The following LTK variants were observed in gnomAD, a reference collection of about 807,000 sequenced individuals.
LTK encodes the protein leukocyte tyrosine kinase receptor.
LTK carries 117 observed loss-of-function variants against 101.5 expected under a neutral mutation model. That is an observed-to-expected ratio of 1.15 (90% CI 0.99 to 1.34). The LOEUF (loss-of-function observed/expected upper bound fraction) is 1.34, where lower values mean the gene tolerates loss of function less well. LTK is among the 40% of genes most tolerant of loss of function. The pLI, the probability that LTK is intolerant of heterozygous loss-of-function variation, is 0.00. For missense variants in LTK, 1,252 were observed against 1,164.7 expected, an observed-to-expected ratio of 1.07 and a Z score of -1.09; for synonymous variants, 563 against 494.2, an observed-to-expected ratio of 1.14 and a Z score of -1.85.
rs771075708 is a variant in LTK, at chr15:41,511,201, CCCG to C, written c.957_959del (p.Gly320del). 2.9e-6 allele frequency: 4 copies of C among 1,391,988 alleles called. No individual in the cohort carries two copies. Among genetic ancestry groups the C allele is most frequent in the South Asian group, 1.6e-5 (1 of 62,422 alleles). The allele number at this position is 1,391,988 out of a possible 1,614,324, so 86.2% of individuals were successfully genotyped here. A position where few individuals can be genotyped will look rare whatever the true frequency, so the allele number is the denominator to read the frequency against. ...CGCCGCCTCCGCCCGCAGTGCAGGCCCCGCCGCCGCCCCCGAAGCCGCCGGCCG... is the reference window on the plus strand; with the variant it reads ...CGCCGCCTCCGCCCGCAGTGCAGGCCCCGCCGCCCCCGAAGCCGCCGGCCG... On this transcript the variant is annotated inframe_deletion, in exon 7 of 20. Coordinates refer to ENST00000263800, the MANE Select transcript of LTK (RefSeq NM_002344.6). The surrounding 1 kb of genome is among the most constrained non-coding windows in gnomAD (Gnocchi z 5.9).
intron 1 of LTK, among the ~76,000 whole-genome samples, chr15:41,513,460 TC>T (rs1484528466): frequency 2.0e-5 from 3 of 152,178 alleles, no homozygotes; most frequent in Non-Finnish European, 4.4e-5. Context: ...TGTTCCTCCT[TC>T]CCAAGCTGCG....
chr15:41,505,187 T>C, intron 15 of LTK, 21 bp downstream of exon 15: 1 of 1,610,134 alleles, frequency 6.2e-7, no homozygotes, highest in Non-Finnish European at 8.5e-7. Flanking sequence ...GGGGGTCCCC[T>C]GAGCCAGGAC....
At chr15:41,512,001 A>G (rs985563138) in intron 4 of LTK, 38 bp from the exon 5 acceptor site, 1 of 1,435,228 alleles carries the variant, frequency 7.0e-7, no homozygotes, top group Non-Finnish European at 9.1e-7. Context: ...GGGGCCCGGG[A>G]GCCTCCCCTC....
At chr15:41,507,454 G>T (rs2051324149) in intron 10 of LTK, 108 bp downstream of exon 10, 1 of 1,552,082 alleles carries the variant, frequency 6.4e-7, no homozygotes, top group Admixed American at 1.9e-5. Context: ...CCACGGCTCT[G>T]CTGCGGTGAG....
chr15:41,512,112 C>A lies in LTK; in HGVS notation c.510+3G>T, dbSNP rs369983661. The A allele has an allele frequency of 1.3e-6, 2 of 1,596,460 alleles. No homozygotes were observed. The highest frequency in any genetic ancestry group is 1.7e-6 in the Non-Finnish European group (2 of 1,171,486). Reference sequence around the variant, plus strand: ...CCGCCCCATCCCCACTGGCTGCGCTCACTCCGGGACAGGCGTCCTCTCCCT... The same window carrying A: ...CCGCCCCATCCCCACTGGCTGCGCTAACTCCGGGACAGGCGTCCTCTCCCT... On this transcript the variant is annotated splice_donor_region_variant and intron_variant, in intron 4 of 19. Coordinates refer to ENST00000263800, the MANE Select transcript of LTK (RefSeq NM_002344.6).
In LTK at chr15:41,511,078, C is replaced by A; in HGVS notation, c.997+86G>T. ...GCTTAATGCCTCTCCCACACCTATC[C>A]TCCCGAGGGCTCCGGCCTGTACTTA... On this transcript the variant is annotated intron_variant, in intron 7 of 19. Coordinates refer to ENST00000263800, the MANE Select transcript of LTK (RefSeq NM_002344.6). This position sits in a 1 kb window ranked among gnomAD's most constrained non-coding sequence, Gnocchi z 5.9. 1 of 1,287,006 alleles carries A rather than the reference C, an allele frequency of 7.8e-7. No individual in the cohort carries two copies. The highest frequency in any genetic ancestry group is 3.1e-5 in the East Asian group (1 of 32,030). 79.7% of individuals were successfully genotyped at this position (1,287,006 alleles called of 1,614,324 possible).
rs140093948 is a variant in LTK, at chr15:41,505,991, C to T, written c.1556G>A (p.Gly519Asp). 8.9e-5 allele frequency: 144 copies of T among 1,613,600 alleles called. No homozygotes were observed. In the Middle Eastern group the frequency reaches 1.2e-3, roughly 13 times the overall value. The change falls in exon 12 of 20, where the codon GGT becomes GAT. Residue 519 changes from glycine (G) to aspartate (D), a missense_variant. Coordinates refer to ENST00000263800, the MANE Select transcript of LTK (RefSeq NM_002344.6). ...TCCCTCATACACCTCCCCAAAGGCA[C>T]CATGGCCCAGGGCTCTGCAGGAAGA... ...NVTLLRALGH[G>D]AFGEVYEGLV...
intron 19 of LTK, 45 bp from the exon 20 acceptor site, chr15:41,504,289 G>A: frequency 6.2e-7 from 1 of 1,609,592 alleles, no homozygotes; most frequent in Non-Finnish European, 8.5e-7. Flanking sequence ...GAGTTTTCTG[G>A]CCCTCCCTCC....
At chr15:41,506,275 G>A (rs901796601) in intron 11 of LTK, among the ~76,000 whole-genome samples, 5 of 152,226 alleles carry the variant, frequency 3.3e-5, no homozygotes, top group Admixed American at 3.3e-4. Flanking sequence ...GACGCCCTGG[G>A]CGGGAGGCAA....
Position 41,509,109 on chromosome 15 carries a change from C to CA in LTK, c.1017dup (p.Asp340Ter), listed in dbSNP as rs2140718590. On this transcript the variant is annotated frameshift_variant, in exon 8 of 20. Coordinates refer to ENST00000263800, the MANE Select transcript of LTK (RefSeq NM_002344.6). LOFTEE classifies it high-confidence loss of function. Reference sequence around the variant, plus strand: ...TCTTCCCCATCAGCCCAGAGGTTGTCAGTCTCTGAAGCGTCGCCCCCTGGA... The same window carrying CA: ...TCTTCCCCATCAGCCCAGAGGTTGTCAAGTCTCTGAAGCGTCGCCCCCTGGA... 6.2e-7 allele frequency: 1 copy of CA among 1,613,640 alleles called. No individual in the cohort carries two copies. The highest frequency in any genetic ancestry group is 2.2e-5 in the East Asian group (1 of 44,876).
intron 1 of LTK, 148 bp downstream of exon 1, chr15:41,513,519 A>C: frequency 1.3e-6 from 1 of 741,132 alleles, no homozygotes. Context: ...CTCGGCCCGC[A>C]CTCCAGAAGC....
intron 11 of LTK, among the ~76,000 whole-genome samples, chr15:41,506,740 G>A (rs898466292): frequency 5.9e-5 from 9 of 151,968 alleles, no homozygotes; most frequent in Admixed American, 1.3e-4. Context: ...ACAGGCATGC[G>A]CCACCATGCC....
chr15:41,505,314 G>C lies in LTK; in HGVS notation c.1828-9C>G, dbSNP rs763509279. On this transcript the variant is annotated splice_polypyrimidine_tract_variant and intron_variant, in intron 14 of 19. Transcript: ENST00000263800. Reference sequence around the variant, plus strand: ...AGAGGTGATGGCTGGCCCTGGGTCAGGCAGAGGGGGCATCAGTCCATGTAG... The same window carrying C: ...AGAGGTGATGGCTGGCCCTGGGTCACGCAGAGGGGGCATCAGTCCATGTAG... 1 of 1,613,826 alleles carries C rather than the reference G, an allele frequency of 6.2e-7. No individual in the cohort carries two copies. The highest frequency in any genetic ancestry group is 8.5e-7 in the Non-Finnish European group (1 of 1,179,922).
intron 1 of LTK, 23 bp from the exon 2 acceptor site, chr15:41,513,143 G>T: frequency 6.4e-7 from 1 of 1,570,606 alleles, no homozygotes; most frequent in Non-Finnish European, 8.6e-7. Context: ...GGGAGAAGGC[G>T]CAGGACGTTA....
rs1208491047 is a variant in LTK, at chr15:41,511,090, C to A, written c.997+74G>T. On this transcript the variant is annotated intron_variant, in intron 7 of 19. Transcript: ENST00000263800. The surrounding 1 kb of genome is among the most constrained non-coding windows in gnomAD (Gnocchi z 5.9). ...TCCCACACCTATCCTCCCGAGGGCT[C>A]CGGCCTGTACTTAGGTTCTAACATC... The A allele has an allele frequency of 3.1e-6, 4 of 1,302,134 alleles. No individual in the cohort carries two copies. Among genetic ancestry groups the A allele is most frequent in the Non-Finnish European group, 2.0e-6 (2 of 1,024,066 alleles). 80.7% of individuals were successfully genotyped at this position (1,302,134 alleles called of 1,614,324 possible).
rs188594087 is a variant in LTK at position 41,505,850 on chromosome 15, T to C, written c.1632+65A>G. The C allele has an allele frequency of 1.3e-4, 202 of 1,600,058 alleles. 1 individual carries two copies. The African/African-American group carries it at 2.5e-3, about 20-fold the overall frequency. On this transcript the variant is annotated intron_variant, in intron 12 of 19. Coordinates refer to ENST00000263800, the MANE Select transcript of LTK (RefSeq NM_002344.6). ...GAGAGGGGGTTAACCCTAGCTCTAG[T>C]CATTGTCCTTCCCTTCAGGGTGTTC...
Position 41,511,540 on chromosome 15 carries a change from G to A in LTK, c.696C>T (p.Ala232=). 2 of 1,455,324 alleles carry A rather than the reference G, an allele frequency of 1.4e-6. No individual in the cohort carries two copies. The highest frequency in any genetic ancestry group is 9.0e-7 in the Non-Finnish European group (1 of 1,116,110). The allele number at this position is 1,455,324 out of a possible 1,614,324, so 90.2% of individuals were successfully genotyped here. ...AGELEPLLVA[A]GGGGRAYLRP... ...TCAGGTAGGCCCGACCGCCGCCTCC[G>A]GCCGCCACCAGCAACGGTTCCAGCT... is the stretch of plus-strand genomic sequence containing the variant. Residue 232 remains alanine, a synonymous_variant, in exon 6 of 20, where the codon GCC becomes GCT. Transcript: ENST00000263800. The surrounding 1 kb of genome is among the most constrained non-coding windows in gnomAD (Gnocchi z 5.9).
In LTK at chr15:41,513,390, A is replaced by G. The variant is rs1400330332; in HGVS notation, c.44-270T>C. Among the ~76,000 whole-genome samples, 6 of 152,290 alleles carry G rather than the reference A, an allele frequency of 3.9e-5. No individual in the cohort carries two copies. In the South Asian group the frequency reaches 6.2e-4, roughly 16 times the overall value. The stretch of plus-strand genomic sequence containing the variant: ...TGAATTTGGTCCTGCAGCCTCCCCA[A>G]TGCTTTCCTCAACTTAGATTGGTGG... On this transcript the variant is annotated intron_variant, in intron 1 of 19. Coordinates refer to ENST00000263800, the MANE Select transcript of LTK (RefSeq NM_002344.6).
At position 41,505,620 on chromosome 15, in the gene LTK, C is replaced by G. The variant is rs557558733; in HGVS notation, c.1698-90G>C. ...CAAAGCTGGAGAGGCCCTCTGTGTC[C>G]CCTGACTTGCTACCTCAGCCTCAGG... On this transcript the variant is annotated intron_variant, in intron 13 of 19. Coordinates refer to ENST00000263800, the MANE Select transcript of LTK (RefSeq NM_002344.6). 242 of 1,605,034 alleles carry G rather than the reference C, an allele frequency of 1.5e-4. 4 individuals carry two copies. The South Asian group carries it at 2.6e-3, about 17-fold the overall frequency.
Sources: gnomAD v4.1 joint callset for allele counts (sites outside exome capture counted in the v4.1 genomes callset) on GRCh38, gnomAD v4.1.1 for gene constraint, Gnocchi (gnomAD v3.1) non-coding constraint, MANE v1.5 for transcripts, NCBI Gene and HGNC (gene_info 2026-07-23, HGNC 2026-07-21) for gene names.